Variants in DCDC1 observed in about 807,000 individuals in gnomAD.
DCDC1 encodes doublecortin domain-containing protein 1.
In DCDC1, 200 loss-of-function variants were observed where a neutral mutation model predicts 178.3. The ratio of observed to expected loss-of-function variants is 1.12; its 90% CI spans 1.00 to 1.26. The LOEUF is 1.26. DCDC1 is among the 50% of genes most tolerant of loss of function. DCDC1 has a pLI of 0.00. For synonymous variants in DCDC1, 690 were observed against 604.8 expected, an observed-to-expected ratio of 1.14 and a Z score of -2.07; for missense variants, 1,983 against 1,749.2, an observed-to-expected ratio of 1.13 and a Z score of -2.38.
chr11:31,037,906 G>A (rs930864906), intron 20 of DCDC1, among the ~76,000 whole-genome samples: 1 of 152,018 alleles, frequency 6.6e-6, no homozygotes, highest in African/African-American at 2.4e-5. Context: ...GAAAAACAGA[G>A]AGCAGAAGTA....
intron 27 of DCDC1, among the ~76,000 whole-genome samples, chr11:30,913,423 A>C (rs374597691): frequency 1.8e-4 from 27 of 152,142 alleles, no homozygotes; most frequent in African/African-American, 6.3e-4. Context: ...AACAAACAAA[A>C]AAAACTATTT....
At chr11:31,168,294 G>A (rs1054904276) in intron 9 of DCDC1, among the ~76,000 whole-genome samples, 14 of 152,142 alleles carry the variant, frequency 9.2e-5, no homozygotes, top group Non-Finnish European at 1.6e-4. Flanking sequence ...CAATAGCCTA[G>A]CTGACCTCAA....
chr11:30,961,886 A>G (rs910021821), intron 20 of DCDC1, among the ~76,000 whole-genome samples: 3 of 151,986 alleles, frequency 2.0e-5, no homozygotes, highest in African/African-American at 7.2e-5. Flanking sequence ...GGGTTCTAGT[A>G]CTCTGGACAG....
chr11:31,368,722 A>C lies in DCDC1; in HGVS notation c.-125+975T>G, dbSNP rs184671971. Among the ~76,000 whole-genome samples, 4 of 152,344 alleles carry C rather than the reference A, an allele frequency of 2.6e-5. No individual in the cohort carries two copies. The East Asian group carries it at 7.7e-4, about 29-fold the overall frequency. ...GACTGCTTCTCAAACTCAGATTGGTAGAAGTTTAAAAAAGAAGGAAAGCAA... is the reference window on the plus strand; with the variant it reads ...GACTGCTTCTCAAACTCAGATTGGTCGAAGTTTAAAAAAGAAGGAAAGCAA... On this transcript the variant is annotated intron_variant, in intron 1 of 38. Transcript: ENST00000684477.
chr11:30,964,422 T>C (rs1177731301), intron 20 of DCDC1, among the ~76,000 whole-genome samples: 1 of 152,170 alleles, frequency 6.6e-6, no homozygotes, highest in Non-Finnish European at 1.5e-5. Context: ...TTTATTTGTA[T>C]TGACATGGCA....
chr11:31,169,772 G>A (rs1966981941), intron 9 of DCDC1, among the ~76,000 whole-genome samples: 1 of 152,190 alleles, frequency 6.6e-6, no homozygotes, highest in Non-Finnish European at 1.5e-5. Flanking sequence ...AGTAGTACTT[G>A]TCATAAGAGA....
intron 3 of DCDC1, among the ~76,000 whole-genome samples, chr11:31,325,168 C>T (rs1591763289): frequency 6.6e-6 from 1 of 152,080 alleles, no homozygotes; most frequent in East Asian, 1.9e-4. Flanking sequence ...TGTAAAAATG[C>T]AATTGTAATT....
intron 10 of DCDC1, among the ~76,000 whole-genome samples, chr11:31,136,222 A>G (rs1313290635): frequency 6.6e-6 from 1 of 152,092 alleles, no homozygotes; most frequent in African/African-American, 2.4e-5. Context: ...TTTCAAACAC[A>G]CAGAGAATGA....
chr11:30,896,591 C>T (rs1368138331), intron 34 of DCDC1, among the ~76,000 whole-genome samples: 1 of 152,184 alleles, frequency 6.6e-6, no homozygotes, highest in Non-Finnish European at 1.5e-5. Flanking sequence ...ACTTATTTCG[C>T]TTTCACACTA....
chr11:30,907,781 C>T (rs1448085168), intron 29 of DCDC1, among the ~76,000 whole-genome samples: 10 of 152,082 alleles, frequency 6.6e-5, no homozygotes, highest in African/African-American at 2.4e-4. Context: ...GCAGAACTGC[C>T]CAGCTGACCC....
At chr11:31,278,001 G>A (rs1246046983) in intron 7 of DCDC1, among the ~76,000 whole-genome samples, 4 of 151,952 alleles carry the variant, frequency 2.6e-5, no homozygotes, top group South Asian at 4.1e-4. Context: ...TTTCTCCCAC[G>A]TTTTCTCTGA....
intron 3 of DCDC1, among the ~76,000 whole-genome samples, chr11:31,315,152 T>C (rs1260648711): frequency 6.6e-6 from 1 of 152,078 alleles, no homozygotes; most frequent in Non-Finnish European, 1.5e-5. Context: ...CTTAGTGACT[T>C]TTTATAGCAA....
chr11:30,977,283 T>C (rs1023807332), intron 20 of DCDC1, among the ~76,000 whole-genome samples: 2 of 152,156 alleles, frequency 1.3e-5, no homozygotes, highest in African/African-American at 2.4e-5. Context: ...AGGGTAACTA[T>C]AGTTAGCAAC....
intron 20 of DCDC1, among the ~76,000 whole-genome samples, chr11:30,991,572 G>A (rs973745867): frequency 3.9e-5 from 6 of 152,072 alleles, no homozygotes; most frequent in African/African-American, 1.4e-4. Context: ...ATGCACCACC[G>A]ACGTCACTAG....
chr11:30,962,132 G>C (rs922467800), intron 20 of DCDC1, among the ~76,000 whole-genome samples: 6 of 152,046 alleles, frequency 3.9e-5, no homozygotes, highest in Admixed American at 3.3e-4. Context: ...TAAATTTTAA[G>C]TAACTTCATC....
intron 38 of DCDC1, among the ~76,000 whole-genome samples, chr11:30,877,931 G>T (rs1432698144): frequency 6.6e-6 from 1 of 152,014 alleles, no homozygotes; most frequent in African/African-American, 2.4e-5. Context: ...TCCATATATG[G>T]AATGTTTGAT....
chr11:31,048,802 C>G (rs891882056), intron 20 of DCDC1, among the ~76,000 whole-genome samples: 1 of 151,940 alleles, frequency 6.6e-6, no homozygotes, highest in Admixed American at 6.6e-5. Flanking sequence ...GCTTGCAGTC[C>G]GCTGAGATTG....
In DCDC1 at chr11:31,046,719, G is replaced by C. The variant is rs16921708; in HGVS notation, c.2591+17750C>G. ...CAGTTAGAAAATTATGACCTACCTC[G>C]TGATGAGAGCTTTCTGCTTGATATA... On this transcript the variant is annotated intron_variant, in intron 20 of 38. Transcript: ENST00000684477. Among the ~76,000 whole-genome samples, 40 of 151,360 alleles carry C rather than the reference G, an allele frequency of 2.6e-4. 1 individual carries two copies. Among genetic ancestry groups the C allele is most frequent in the African/African-American group, 9.5e-4 (39 of 41,250 alleles).
chr11:31,007,868 G>T (rs963144333), intron 20 of DCDC1, among the ~76,000 whole-genome samples: 1 of 152,006 alleles, frequency 6.6e-6, no homozygotes, highest in African/African-American at 2.4e-5. Context: ...TCAACATGTT[G>T]CCCAGGCTGG....
Sources: gnomAD v4.1 joint callset for allele counts (sites outside exome capture counted in the v4.1 genomes callset) on GRCh38, gnomAD v4.1.1 for gene constraint, MANE v1.5 for transcripts, NCBI Gene and HGNC (gene_info 2026-07-23, HGNC 2026-07-21) for gene names.